The following ADAMTSL1 variants were observed in gnomAD, a reference collection of about 807,000 sequenced individuals.
The protein encoded by ADAMTSL1 is ADAMTS like 1.
Under a neutral mutation model 201.8 loss-of-function variants are expected in ADAMTSL1, and 126 were observed. That is an observed-to-expected ratio of 0.62 (90% confidence interval 0.54 to 0.72). ADAMTSL1 has a LOEUF of 0.72. Among genes scored for constraint, ADAMTSL1 ranks in the 30% least tolerant of loss-of-function variants. The pLI, the probability that ADAMTSL1 is intolerant of heterozygous loss-of-function variation, is 0.00. For missense variants in ADAMTSL1, 2,679 were observed against 2,277.8 expected, an observed-to-expected ratio of 1.18 and a Z score of -3.59; for synonymous variants, 1,121 against 903.4, an observed-to-expected ratio of 1.24 and a Z score of -4.32.
At chr9:17,974,866 T>G (rs1818378782) in intron 1 of ADAMTSL1, among the ~76,000 whole-genome samples, 1 of 152,078 alleles carries the variant, frequency 6.6e-6, no homozygotes, top group South Asian at 2.1e-4. Context: ...GTGATTTCAT[T>G]TTTTTGATAC....
chr9:18,870,007 C>T (rs1486132620), intron 23 of ADAMTSL1, among the ~76,000 whole-genome samples: 3 of 151,994 alleles, frequency 2.0e-5, no homozygotes, highest in African/African-American at 7.2e-5. Flanking sequence ...ACACTCCTGC[C>T]AGCTCTAATC....
chr9:18,746,963 A>G (rs1485160030), intron 15 of ADAMTSL1, among the ~76,000 whole-genome samples: 1 of 152,162 alleles, frequency 6.6e-6, no homozygotes, highest in Non-Finnish European at 1.5e-5. Flanking sequence ...CTGCTGCTTT[A>G]CTGAAATAAC....
chr9:18,166,810 C>T (rs1035993821), intron 2 of ADAMTSL1, among the ~76,000 whole-genome samples: 9 of 152,008 alleles, frequency 5.9e-5, no homozygotes, highest in African/African-American at 2.2e-4. Context: ...AACAGCCTGC[C>T]TTATTTGTGG....
chr9:17,988,294 A>G (rs1444670145), intron 1 of ADAMTSL1, among the ~76,000 whole-genome samples: 3 of 152,108 alleles, frequency 2.0e-5, no homozygotes, highest in African/African-American at 7.2e-5. Flanking sequence ...ATGAGTTCAC[A>G]TGTTACTCTC....
At chr9:18,406,319 C>CTTTT (rs1563939402) in intron 2 of ADAMTSL1, among the ~76,000 whole-genome samples, 1 of 147,750 alleles carries the variant, frequency 6.8e-6, no homozygotes, top group African/African-American at 2.5e-5. Context: ...CTTTTCTTTT[C>CTTTT]TTTTCTTTTC....
Position 18,908,399 on chromosome 9 carries a change from TC to T in ADAMTSL1, c.5183-42del, listed in dbSNP as rs1262239476. The T allele has an allele frequency of 4.0e-6, 6 of 1,497,954 alleles. No individual in the cohort carries two copies. The African/African-American group carries it at 8.3e-5, about 21-fold the overall frequency. The allele number at this position is 1,497,954 out of a possible 1,614,324, so 92.8% of individuals were successfully genotyped here. On this transcript the variant is annotated intron_variant, in intron 28 of 28. Coordinates refer to ENST00000380548, the MANE Select transcript of ADAMTSL1 (RefSeq NM_001040272.6). ...TGCGTTCATTAGTCTCTGTTTCACA[TC>T]TCTTTTCTGTCTCCTCTCCCGACCC...
chr9:17,965,031 G>A (rs1196929299), intron 1 of ADAMTSL1, among the ~76,000 whole-genome samples: 1 of 152,080 alleles, frequency 6.6e-6, no homozygotes, highest in African/African-American at 2.4e-5. Flanking sequence ...GGGATTACAG[G>A]TGTGAGCCAC....
At chr9:18,807,135 C>G (rs1283261443) in intron 20 of ADAMTSL1, among the ~76,000 whole-genome samples, 1 of 152,140 alleles carries the variant, frequency 6.6e-6, no homozygotes, top group Non-Finnish European at 1.5e-5. Context: ...TAAATTGAAA[C>G]GCTTGCCTTT....
intron 2 of ADAMTSL1, among the ~76,000 whole-genome samples, chr9:18,440,738 T>G (rs1159492537): frequency 6.6e-6 from 1 of 152,012 alleles, no homozygotes; most frequent in Admixed American, 6.6e-5. Flanking sequence ...GCCATTTACT[T>G]TTTCCAGTAA....
intron 20 of ADAMTSL1, among the ~76,000 whole-genome samples, chr9:18,815,711 CAAAA>C (rs35926602): frequency 2.9e-5 from 2 of 67,932 alleles, no homozygotes; most frequent in African/African-American, 1.1e-4. Flanking sequence ...AACCCTGTCT[CAAAA>C]AAAAAAAAAA....
intron 2 of ADAMTSL1, among the ~76,000 whole-genome samples, chr9:18,460,005 G>A (rs545233550): frequency 5.7e-4 from 87 of 152,290 alleles, no homozygotes; most frequent in Admixed American, 1.6e-3. Context: ...TATTATCTGA[G>A]TCATGAATAG....
At position 18,235,693 on chromosome 9, in the gene ADAMTSL1, A is replaced by G. The variant is rs563128250; in HGVS notation, c.207+71712A>G. ...AAGAGAGGTTCTATAATCTGCCCACAGTTACACAGCTTTTGACTCCAGGCT... is the reference window on the plus strand; with the variant it reads ...AAGAGAGGTTCTATAATCTGCCCACGGTTACACAGCTTTTGACTCCAGGCT... On this transcript the variant is annotated intron_variant, in intron 2 of 29. Transcript: ENST00000680146. 7.4e-4 allele frequency among the ~76,000 whole-genome samples: 113 copies of G among 152,314 alleles called. 3 individuals are homozygous for G. In the South Asian group the frequency reaches 0.022, roughly 30 times the overall value.
intron 1 of ADAMTSL1, among the ~76,000 whole-genome samples, chr9:18,032,737 C>A (rs1273882570): frequency 6.6e-6 from 1 of 152,180 alleles, no homozygotes; most frequent in Non-Finnish European, 1.5e-5. Context: ...GATCCCCTTG[C>A]CAATGCAAAT....
At chr9:18,284,957 T>G (rs1832939913) in intron 2 of ADAMTSL1, among the ~76,000 whole-genome samples, 1 of 152,202 alleles carries the variant, frequency 6.6e-6, no homozygotes, top group African/African-American at 2.4e-5. Flanking sequence ...ATTGAACATT[T>G]TGGTCACTTT....
intron 1 of ADAMTSL1, among the ~76,000 whole-genome samples, chr9:18,159,556 T>A (rs922554650): frequency 4.6e-5 from 7 of 152,046 alleles, no homozygotes; most frequent in Admixed American, 4.6e-4. Context: ...TTATAGCAAT[T>A]ATGGCTCTTC....
chr9:18,436,134 A>G (rs1217526192), intron 2 of ADAMTSL1, among the ~76,000 whole-genome samples: 2 of 152,164 alleles, frequency 1.3e-5, no homozygotes, highest in Non-Finnish European at 2.9e-5. Flanking sequence ...GCAGGGGTCT[A>G]GATTGGTTTG....
At chr9:18,591,517 A>G (rs960532096) in intron 4 of ADAMTSL1, among the ~76,000 whole-genome samples, 1 of 152,150 alleles carries the variant, frequency 6.6e-6, no homozygotes, top group East Asian at 1.9e-4. Flanking sequence ...TTTACATTTA[A>G]TGTTATTATC....
chr9:18,411,346 C>T (rs1327685567), intron 2 of ADAMTSL1, among the ~76,000 whole-genome samples: 2 of 151,796 alleles, frequency 1.3e-5, no homozygotes, highest in South Asian at 2.1e-4. Flanking sequence ...GGACTACAAA[C>T]GTGCCACCAT....
intron 15 of ADAMTSL1, among the ~76,000 whole-genome samples, chr9:18,749,634 GC>G (rs1819347403): frequency 6.6e-6 from 1 of 152,166 alleles, no homozygotes; most frequent in Non-Finnish European, 1.5e-5. Context: ...ACAGCCAAAG[GC>G]ACAGAACGCA....
Sources: allele counts gnomAD v4.1 joint callset (sites outside exome capture counted in the v4.1 genomes callset), GRCh38; gene constraint gnomAD v4.1.1; transcripts MANE v1.5; gene names NCBI Gene and HGNC (gene_info 2026-07-23, HGNC 2026-07-21).